Variants in COA6 observed in about 807,000 individuals in gnomAD.
COA6 encodes the protein cytochrome c oxidase assembly factor 6, also known as cytochrome c oxidase assembly factor 6 homolog.
In COA6, 12 loss-of-function variants were observed where a neutral mutation model predicts 17.1. That is an observed-to-expected ratio of 0.70 (90% CI 0.45 to 1.14). The LOEUF (loss-of-function observed/expected upper bound fraction) is 1.14. COA6 is among the 50% of genes most tolerant of loss of function. The probability of loss-of-function intolerance (pLI) is 0.00; values close to 1 mark genes in which losing one functional copy is unlikely to be tolerated. For synonymous variants in COA6, 90 were observed against 73.4 expected, an observed-to-expected ratio of 1.23 and a Z score of -1.16; for missense variants, 246 against 196.5, an observed-to-expected ratio of 1.25 and a Z score of -1.51.
At chr1:234,376,508 G>A (rs1248799394) in intron 2 of COA6, among the ~76,000 whole-genome samples, 3 of 152,246 alleles carry the variant, frequency 2.0e-5, no homozygotes, top group African/African-American at 7.2e-5. Flanking sequence ...CTCTCTTAGC[G>A]GTTTTATAGG....
chr1:234,373,526 G>T lies in COA6; in HGVS notation c.60G>T (p.Arg20=), dbSNP rs1366386194. 1 of 1,608,268 alleles carries T rather than the reference G, an allele frequency of 6.2e-7. No homozygotes were observed. Among genetic ancestry groups the T allele is most frequent in the South Asian group, 1.1e-5 (1 of 90,852 alleles). The change falls in exon 1 of 3, where the codon CGG becomes CGT. Residue 20 remains arginine, a synonymous_variant. Coordinates refer to ENST00000366615, the MANE Select transcript of COA6 (RefSeq NM_001206641.3). The part of the protein sequence containing the change: ...PRFRRVSCFL[R]LGRSTLLELE... ...TTCGCCGCGTGAGTTGCTTTTTGCG[G>T]CTGGGGAGGTCTACGCTTCTAGAGC... is the stretch of plus-strand genomic sequence containing the variant.
chr1:234,381,797 G>A (rs1658979522), intron 2 of COA6, among the ~76,000 whole-genome samples: 1 of 152,196 alleles, frequency 6.6e-6, no homozygotes, highest in Non-Finnish European at 1.5e-5. Context: ...GGTATTAGAG[G>A]AGAAACATGT....
In COA6 at chr1:234,384,510, A is replaced by G. The variant is rs1050690642; in HGVS notation, c.*692A>G. Among the ~76,000 whole-genome samples the G allele has an allele frequency of 5.3e-5, 8 of 152,214 alleles. No homozygotes were observed. Among genetic ancestry groups the G allele is most frequent in the Non-Finnish European group, 1.2e-4 (8 of 68,046 alleles). On this transcript the variant is annotated 3_prime_UTR_variant, in exon 3 of 3. Transcript: ENST00000366615. ...GAAACAAGGTCAATATACACAAGGAAAATTATATTCCTATATATCAGCAAT... is the reference window on the plus strand; with the variant it reads ...GAAACAAGGTCAATATACACAAGGAGAATTATATTCCTATATATCAGCAAT...
At position 234,374,235 on chromosome 1, in the gene COA6, T is replaced by A; in HGVS notation, c.218T>A (p.Ile73Asn). ...AATATTATTTTGGCCAACAGCTTCA[T>A]CGCAGTAGGAATGGCAGCCCCATCT... ...EAGRGRAESF[I>N]AVGMAAPSMK... Residue 73 changes from isoleucine to asparagine, a missense_variant, in exon 2 of 3, where the codon ATC becomes AAC. Ile to Asn is a moderately radical substitution (Grantham distance 149). Coordinates refer to ENST00000366615, the MANE Select transcript of COA6 (RefSeq NM_001206641.3). 6.2e-7 allele frequency: 1 copy of A among 1,610,224 alleles called. No homozygotes were observed. The highest frequency in any genetic ancestry group is 8.5e-7 in the Non-Finnish European group (1 of 1,178,882).
chr1:234,377,314 A>G (rs1420235938), intron 2 of COA6, among the ~76,000 whole-genome samples: 1 of 151,796 alleles, frequency 6.6e-6, no homozygotes, highest in Non-Finnish European at 1.5e-5. Context: ...TTTAGTAGAG[A>G]TGGGGTTTCA....
At position 234,384,582 on chromosome 1, in the gene COA6, C is replaced by CA. The variant is rs1296855651; in HGVS notation, c.*772dup. On this transcript the variant is annotated 3_prime_UTR_variant, in exon 3 of 3. Coordinates refer to ENST00000366615, the MANE Select transcript of COA6 (RefSeq NM_001206641.3). The stretch of plus-strand genomic sequence containing the variant: ...TAAAAATACCATTTGTGAATAGCAC[C>CA]AAAAAAAATTAAAGGAATACTTAGG... Among the ~76,000 whole-genome samples, 5 of 151,610 alleles carry CA rather than the reference C, an allele frequency of 3.3e-5. No individual in the cohort carries two copies. Among genetic ancestry groups the CA allele is most frequent in the African/African-American group, 1.2e-4 (5 of 41,370 alleles).
At chr1:234,374,163 TCTTTC>T in intron 1 of COA6, 62 bp from the exon 2 acceptor site, 1 of 1,366,680 alleles carries the variant, frequency 7.3e-7, no homozygotes, top group Non-Finnish European at 1.0e-6. Context: ...ACGGTTTTCC[TCTTTC>T]CTTATCTTCT....
intron 2 of COA6, among the ~76,000 whole-genome samples, chr1:234,378,856 A>G (rs1041341336): frequency 1.3e-5 from 2 of 151,940 alleles, no homozygotes; most frequent in Non-Finnish European, 2.9e-5. Context: ...CTGGGTGAGT[A>G]CAAGACTCTG....
At chr1:234,375,133 C>CAAAA (rs11341337) in intron 2 of COA6, among the ~76,000 whole-genome samples, 280 of 128,424 alleles carry the variant, frequency 2.2e-3, no homozygotes, top group African/African-American at 6.9e-3. Flanking sequence ...ACTAAAAATA[C>CAAAA]AAAAAAAAAA....
intron 2 of COA6, 93 bp from the exon 3 acceptor site, chr1:234,383,630 T>C: frequency 1.6e-6 from 1 of 618,188 alleles, no homozygotes; most frequent in Non-Finnish European, 2.9e-6. Flanking sequence ...CACTTAAATT[T>C]ATGTTGAATA....
At chr1:234,383,000 C>G (rs911181573) in intron 2 of COA6, among the ~76,000 whole-genome samples, 34 of 105,908 alleles carry the variant, frequency 3.2e-4, no homozygotes, top group Admixed American at 2.3e-3. Context: ...GAGCGAGACT[C>G]TCTGTCAAGA....
Position 234,373,871 on chromosome 1 carries a change from T to C in COA6, c.212+193T>C, listed in dbSNP as rs773234985. ...AACAGTAACCCTGTAAACTAGGCAC[T>C]GCTGTCCCCGCTTTACTGGTGGGAA... On this transcript the variant is annotated intron_variant, in intron 1 of 2. Transcript: ENST00000366615. 13 of 1,604,324 alleles carry C rather than the reference T, an allele frequency of 8.1e-6. No homozygotes were observed. In the East Asian group the frequency reaches 1.8e-4, roughly 22 times the overall value.
chr1:234,380,168 C>T (rs1052689688), intron 2 of COA6, among the ~76,000 whole-genome samples: 1 of 152,200 alleles, frequency 6.6e-6, no homozygotes, highest in African/African-American at 2.4e-5. Context: ...TCCCTGTTCA[C>T]CTGTGCTCTC....
chr1:234,377,904 G>A (rs745733801), intron 2 of COA6, among the ~76,000 whole-genome samples: 3 of 152,208 alleles, frequency 2.0e-5, no homozygotes, highest in Non-Finnish European at 4.4e-5. Flanking sequence ...CCCACATGGG[G>A]TGTGTACCTA....
At position 234,383,741 on chromosome 1, in the gene COA6, A is replaced by G. The variant is rs755316368; in HGVS notation, c.391A>G (p.Arg131Gly). The G allele has an allele frequency of 2.7e-6, 4 of 1,474,216 alleles. No homozygotes were observed. Among genetic ancestry groups the G allele is most frequent in the Non-Finnish European group, 3.8e-6 (4 of 1,062,092 alleles). 91.3% of individuals were successfully genotyped at this position (1,474,216 alleles called of 1,614,324 possible). Residue 131 changes from arginine (R) to glycine (G), a missense_variant, in exon 3 of 3, where the codon AGA becomes GGA. Physicochemically the swap from Arg to Gly is moderately radical, Grantham distance 125 (BLOSUM62 -2). Transcript: ENST00000366615. ...PQQWIKYFDKRRDYLKFKEKF... is the reference protein window; with the variant it reads ...PQQWIKYFDKGRDYLKFKEKF... The stretch of plus-strand genomic sequence containing the variant: ...CCAACAGATAAAATATTTTGATAAA[A>G]GAAGAGACTACTTAAAATTCAAAGA...
chr1:234,377,097 A>AGAGAGATC (rs752304965), intron 2 of COA6, among the ~76,000 whole-genome samples: 1 of 52,794 alleles, frequency 1.9e-5, no homozygotes, highest in African/African-American at 9.6e-5. Flanking sequence ...AGAGAGAGAG[A>AGAGAGATC]GAGATCCAGT....
intron 2 of COA6, among the ~76,000 whole-genome samples, chr1:234,375,795 G>A (rs7554965): frequency 0.46 from 69,673 of 151,982 alleles, 17,517 homozygotes; most frequent in African/African-American, 0.67. Context: ...CTGGCACTAT[G>A]GGCATTTGCC....
intron 2 of COA6, among the ~76,000 whole-genome samples, chr1:234,377,936 C>A (rs2103017233): frequency 6.6e-6 from 1 of 152,338 alleles, no homozygotes; most frequent in East Asian, 1.9e-4. Context: ...CGTAGAACCG[C>A]AGAGCTGAGT....
intron 2 of COA6, among the ~76,000 whole-genome samples, chr1:234,380,870 C>A (rs1029203590): frequency 1.3e-5 from 2 of 152,160 alleles, no homozygotes; most frequent in African/African-American, 4.8e-5. Flanking sequence ...CGCGGTGGCA[C>A]GCGCCTGTAG....
Sources: allele counts gnomAD v4.1 joint callset (sites outside exome capture counted in the v4.1 genomes callset), GRCh38; gene constraint gnomAD v4.1.1; transcripts MANE v1.5; gene names NCBI Gene and HGNC (gene_info 2026-07-23, HGNC 2026-07-21).